MOB1A: variants seen among roughly 807,000 people sequenced by gnomAD.
MOB1A encodes MOB1 Mps One Binder homolog A.
Under a neutral mutation model 25.1 loss-of-function variants are expected in MOB1A, and 10 were observed. That is an observed-to-expected ratio of 0.40 (90% CI 0.25 to 0.68). The LOEUF (loss-of-function observed/expected upper bound fraction) is 0.68. Ranked by LOEUF, MOB1A falls within the 30% of genes least tolerant of loss-of-function variation. The pLI is 0.40. For synonymous variants in MOB1A, 81 were observed against 79.5 expected (o/e 1.02, Z -0.10); for missense variants, 177 against 256.3 (o/e 0.69, Z 2.11).
rs969000544 is a variant in MOB1A, at chr2:74,154,989, CTAAG to C, written c.*1575_*1578del. 2.6e-5 allele frequency: 4 copies of C among 151,936 alleles called. No individual in the cohort carries two copies. The highest frequency in any genetic ancestry group is 4.4e-5 in the Non-Finnish European group (3 of 67,990). The allele number at this position is 151,936 out of a possible 1,614,324, so 9.4% of individuals were successfully genotyped here. A position where few individuals can be genotyped will look rare whatever the true frequency, so the allele number is the denominator to read the frequency against. ...GAAATGATTATTTAAAATGGAGTTT[CTAAG>C]TAATTATTTTCTTTATAGTTTAGTG... On this transcript the variant is annotated 3_prime_UTR_variant, in exon 6 of 6. Transcript: ENST00000396049.
intron 4 of MOB1A, among the ~76,000 whole-genome samples, chr2:74,159,732 A>G (rs147458830): frequency 0.013 from 1,912 of 152,246 alleles, 32 homozygotes; most frequent in African/African-American, 0.044. Context: ...CTTTTTTCTG[A>G]CTGCCTTAGG....
chr2:74,174,317 C>A (rs1385188772), intron 1 of MOB1A, among the ~76,000 whole-genome samples: 5 of 151,208 alleles, frequency 3.3e-5, no homozygotes, highest in African/African-American at 9.7e-5. Flanking sequence ...ATGGTGGAGC[C>A]AAGTGCAGTC....
intron 2 of MOB1A, among the ~76,000 whole-genome samples, chr2:74,169,222 C>A (rs1480454220): frequency 6.6e-6 from 1 of 152,168 alleles, no homozygotes; most frequent in Non-Finnish European, 1.5e-5. Flanking sequence ...TGAATTTGGG[C>A]CGGGTGCAGT....
chr2:74,165,621 A>G (rs1693108615), intron 3 of MOB1A, among the ~76,000 whole-genome samples: 1 of 152,208 alleles, frequency 6.6e-6, no homozygotes. Flanking sequence ...GGAAACACAA[A>G]GGAACTGCAT....
chr2:74,169,779 C>CCACCA (rs1267644053), intron 2 of MOB1A, among the ~76,000 whole-genome samples: 1 of 151,904 alleles, frequency 6.6e-6, no homozygotes, highest in East Asian at 2.0e-4. Context: ...CAGGTGTGTG[C>CCACCA]CACCACACCC....
At position 74,153,244 on chromosome 2, in the gene MOB1A, C is replaced by T. The variant is rs372460937; in HGVS notation, c.*3324G>A. The T allele has an allele frequency of 1.3e-5, 2 of 152,140 alleles. No homozygotes were observed. Among genetic ancestry groups the T allele is most frequent in the Non-Finnish European group, 2.9e-5 (2 of 68,026 alleles). 9.4% of individuals were successfully genotyped at this position (152,140 alleles called of 1,614,324 possible). On this transcript the variant is annotated 3_prime_UTR_variant, in exon 6 of 6. Coordinates refer to ENST00000396049, the MANE Select transcript of MOB1A (RefSeq NM_018221.5). ...CTTTAAAACAAATTTCTAGGACTTA[C>T]GCTCTTTGGGCCTGATTTGTTAATG...
At chr2:74,165,970 A>G (rs1312159067) in intron 3 of MOB1A, among the ~76,000 whole-genome samples, 9 of 152,224 alleles carry the variant, frequency 5.9e-5, no homozygotes, top group African/African-American at 1.9e-4. Flanking sequence ...CTAAAATATT[A>G]TAATAAAAAT....
intron 4 of MOB1A, among the ~76,000 whole-genome samples, chr2:74,163,402 C>T (rs1693030883): frequency 1.3e-5 from 2 of 152,074 alleles, no homozygotes; most frequent in Admixed American, 6.6e-5. Flanking sequence ...TTTGGAAGGC[C>T]AAGGAAGGAG....
At chr2:74,168,333 C>G (rs1693188978) in intron 2 of MOB1A, among the ~76,000 whole-genome samples, 1 of 152,130 alleles carries the variant, frequency 6.6e-6, no homozygotes, top group South Asian at 2.1e-4. Flanking sequence ...TGAGTATACT[C>G]TATGCAAAGA....
At position 74,159,757 on chromosome 2, in the gene MOB1A, T is replaced by C. The variant is rs545417099; in HGVS notation, c.410-503A>G. The stretch of plus-strand genomic sequence containing the variant: ...ACTGCCTTAGGCACAGGTATCAAAT[T>C]ATGTAAGATGCTGCTAAATCAAAGT... On this transcript the variant is annotated intron_variant, in intron 4 of 5. Coordinates refer to ENST00000396049, the MANE Select transcript of MOB1A (RefSeq NM_018221.5). Among the ~76,000 whole-genome samples the C allele has an allele frequency of 1.1e-3, 167 of 152,148 alleles. 1 individual carries two copies. Among genetic ancestry groups the C allele is most frequent in the African/African-American group, 3.9e-3 (160 of 41,468 alleles).
At position 74,175,424 on chromosome 2, in the gene MOB1A, G is replaced by T. The variant is rs1019930696; in HGVS notation, c.15-2672C>A. ...GGAAAAATTGTCTTCCACAAAACTG[G>T]TCCCTGGTGCCAAAAAGGTTAGGGA... is the stretch of plus-strand genomic sequence containing the variant. On this transcript the variant is annotated intron_variant, in intron 1 of 5. Transcript: ENST00000396049. 2.6e-5 allele frequency among the ~76,000 whole-genome samples: 4 copies of T among 152,230 alleles called. No homozygotes were observed. The South Asian group carries it at 8.3e-4, about 32-fold the overall frequency.
chr2:74,165,371 A>C lies in MOB1A; in HGVS notation c.276-20T>G. 1 of 1,439,242 alleles carries C rather than the reference A, an allele frequency of 6.9e-7. No homozygotes were observed. The highest frequency in any genetic ancestry group is 9.2e-7 in the Non-Finnish European group (1 of 1,084,804). 89.2% of individuals were successfully genotyped at this position (1,439,242 alleles called of 1,614,324 possible). A position where few individuals can be genotyped will look rare whatever the true frequency, so the allele number is the denominator to read the frequency against. ...TCATATCTGAAGAGAAAAATGTTTT[A>C]CTGATAAATTTTTCAAAAATATTAA... On this transcript the variant is annotated intron_variant, in intron 3 of 5. Transcript: ENST00000396049.
At chr2:74,160,511 GC>G (rs934703792) in intron 4 of MOB1A, among the ~76,000 whole-genome samples, 2 of 151,998 alleles carry the variant, frequency 1.3e-5, no homozygotes, top group African/African-American at 4.8e-5. Context: ...GACCAGCTTG[GC>G]CAACATGGTG....
chr2:74,178,643 C>A lies in MOB1A; in HGVS notation c.14+18G>T, dbSNP rs1213681290. 1 of 1,382,342 alleles carries A rather than the reference C, an allele frequency of 7.2e-7. No individual in the cohort carries two copies. Among genetic ancestry groups the A allele is most frequent in the Non-Finnish European group, 9.4e-7 (1 of 1,061,356 alleles). The allele number at this position is 1,382,342 out of a possible 1,614,324, so 85.6% of individuals were successfully genotyped here. A position where few individuals can be genotyped will look rare whatever the true frequency, so the allele number is the denominator to read the frequency against. ...CCTCGGCCCGCAGGCCCGGCGCCCG[C>A]GGCCCGACCCCACTCACAAGAGGAA... On this transcript the variant is annotated intron_variant, in intron 1 of 5. Coordinates refer to ENST00000396049, the MANE Select transcript of MOB1A (RefSeq NM_018221.5).
rs577131774 is a variant in MOB1A at position 74,155,534 on chromosome 2, T to G, written c.*1034A>C. On this transcript the variant is annotated 3_prime_UTR_variant, in exon 6 of 6. Transcript: ENST00000396049. ...GGTTTATTGTGGTTTTCCTTAAGTT[T>G]TATCCTTATTAGGATGAAGTTCATG... 1.4e-4 allele frequency: 21 copies of G among 152,692 alleles called. No individual in the cohort carries two copies. In the South Asian group the frequency reaches 3.9e-3, roughly 29 times the overall value. 9.5% of individuals were successfully genotyped at this position (152,692 alleles called of 1,614,324 possible).
At chr2:74,161,801 G>A (rs1369136450) in intron 4 of MOB1A, among the ~76,000 whole-genome samples, 1 of 151,448 alleles carries the variant, frequency 6.6e-6, no homozygotes, top group Non-Finnish European at 1.5e-5. Flanking sequence ...ACAAAAAATT[G>A]AAAATTAGCT....
intron 4 of MOB1A, among the ~76,000 whole-genome samples, chr2:74,159,504 C>CTTGA (rs968009211): frequency 2.6e-5 from 4 of 152,138 alleles, no homozygotes; most frequent in Non-Finnish European, 4.4e-5. Flanking sequence ...CCAGGCTGGT[C>CTTGA]TTGAACTCCT....
At chr2:74,161,524 C>G (rs999177454) in intron 4 of MOB1A, among the ~76,000 whole-genome samples, 1 of 151,804 alleles carries the variant, frequency 6.6e-6, no homozygotes, top group Non-Finnish European at 1.5e-5. Context: ...ACCTGTAGTC[C>G]CAGCTACTCG....
chr2:74,178,629 A>C (rs909247322), intron 1 of MOB1A, 32 bp downstream of exon 1: 3 of 1,377,622 alleles, frequency 2.2e-6, no homozygotes, highest in Non-Finnish European at 2.8e-6. Context: ...CTCGGCCCGC[A>C]GGCCCGGCGC....
Sources: gnomAD v4.1 joint callset for allele counts (sites outside exome capture counted in the v4.1 genomes callset) on GRCh38, gnomAD v4.1.1 for gene constraint, MANE v1.5 for transcripts, NCBI Gene and HGNC (gene_info 2026-07-23, HGNC 2026-07-21) for gene names.